Variants in ITGA9 observed in about 807,000 individuals in gnomAD.
ITGA9 encodes integrin alpha-9.
ITGA9 carries 56 observed loss-of-function variants against 127.8 expected under a neutral mutation model. The observed-to-expected ratio is 0.44, with a 90% CI of 0.35 to 0.55. The LOEUF is 0.55. Among genes scored for constraint, ITGA9 ranks in the 20% least tolerant of loss-of-function variants. The probability of loss-of-function intolerance (pLI) is 0.00; values close to 1 mark genes in which losing one functional copy is unlikely to be tolerated. For missense variants in ITGA9, 1,196 were observed against 1,347.1 expected (o/e 0.89, Z 1.76); for synonymous variants, 508 against 514.5 (o/e 0.99, Z 0.17).
intron 1 of ITGA9, among the ~76,000 whole-genome samples, chr3:37,460,092 C>T (rs188894767): frequency 6.2e-4 from 94 of 152,218 alleles, no homozygotes; most frequent in African/African-American, 2.0e-3. Context: ...CCTCCTGGGG[C>T]TGCTTTGTTA....
intron 24 of ITGA9, among the ~76,000 whole-genome samples, chr3:37,777,756 A>C (rs747543178): frequency 6.6e-6 from 1 of 152,248 alleles, no homozygotes; most frequent in Non-Finnish European, 1.5e-5. Flanking sequence ...AGCACAAAGT[A>C]AAATGTTTCT....
intron 22 of ITGA9, chr3:37,748,747 T>TAAAAA (rs34063758): frequency 4.9e-5 from 22 of 451,294 alleles, no homozygotes; most frequent in South Asian, 9.0e-5. Context: ...GACTCTGTCT[T>TAAAAA]AAAAAAAAAA....
At chr3:37,592,488 A>C (rs1238758368) in intron 15 of ITGA9, among the ~76,000 whole-genome samples, 2 of 152,134 alleles carry the variant, frequency 1.3e-5, no homozygotes, top group African/African-American at 4.8e-5. Flanking sequence ...AATGACCCAC[A>C]TCCCTTCTAC....
intron 18 of ITGA9, among the ~76,000 whole-genome samples, chr3:37,729,040 G>A (rs1204309765): frequency 6.6e-6 from 1 of 151,892 alleles, no homozygotes; most frequent in East Asian, 1.9e-4. Context: ...TGCTTTTGGG[G>A]AAGGTGTCAT....
intron 11 of ITGA9, among the ~76,000 whole-genome samples, chr3:37,522,156 C>G (rs987372280): frequency 5.9e-5 from 9 of 152,022 alleles, no homozygotes; most frequent in African/African-American, 2.2e-4. Context: ...AGCTGTAAAC[C>G]TGGTTCTATT....
chr3:37,550,157 C>A (rs574985350), intron 15 of ITGA9, among the ~76,000 whole-genome samples: 3 of 152,134 alleles, frequency 2.0e-5, no homozygotes, highest in African/African-American at 7.2e-5. Context: ...GATTTAAACC[C>A]GCAAGTCTGG....
intron 17 of ITGA9, among the ~76,000 whole-genome samples, chr3:37,654,584 T>A (rs1437000650): frequency 6.6e-6 from 1 of 152,190 alleles, no homozygotes; most frequent in Admixed American, 6.5e-5. Flanking sequence ...TCACTAGTTT[T>A]GGTAGTTATT....
At chr3:37,685,494 C>T (rs541297413) in intron 18 of ITGA9, among the ~76,000 whole-genome samples, 4 of 152,272 alleles carry the variant, frequency 2.6e-5, no homozygotes, top group Non-Finnish European at 5.9e-5. Flanking sequence ...GTTCAAGTAT[C>T]GCTGGCCACA....
chr3:37,619,373 G>T (rs1214419050), intron 15 of ITGA9, among the ~76,000 whole-genome samples: 4 of 152,156 alleles, frequency 2.6e-5, no homozygotes, highest in Non-Finnish European at 5.9e-5. Flanking sequence ...TCTGAGATGG[G>T]GATTTTTGCC....
chr3:37,485,053 C>T (rs1043669552), intron 4 of ITGA9, among the ~76,000 whole-genome samples: 1 of 152,154 alleles, frequency 6.6e-6, no homozygotes, highest in Non-Finnish European at 1.5e-5. Context: ...ACAGTTCCAG[C>T]TACCAAGAAG....
intron 24 of ITGA9, among the ~76,000 whole-genome samples, chr3:37,777,740 C>A (rs1696925457): frequency 6.6e-6 from 1 of 152,172 alleles, no homozygotes; most frequent in Non-Finnish European, 1.5e-5. Flanking sequence ...TCTTTGCAAC[C>A]CACCAAGCAC....
intron 1 of ITGA9, among the ~76,000 whole-genome samples, chr3:37,466,352 G>A (rs1030655676): frequency 1.1e-4 from 16 of 151,682 alleles, no homozygotes; most frequent in African/African-American, 2.9e-4. Context: ...GCGTGGTGGC[G>A]TGTGCCTGTG....
chr3:37,683,788 C>T, intron 17 of ITGA9, 77 bp from the exon 18 acceptor site: 1 of 1,496,964 alleles, frequency 6.7e-7, no homozygotes, highest in East Asian at 2.3e-5. Context: ...TGCCCCCCAC[C>T]TTCAACTACC....
chr3:37,654,190 CCACACA>C (rs67516814), intron 17 of ITGA9, among the ~76,000 whole-genome samples: 13,540 of 146,342 alleles, frequency 0.093, 843 homozygotes, highest in East Asian at 0.27. Flanking sequence ...CCTCCTGCCT[CCACACA>C]CACACACACA....
In ITGA9 at chr3:37,508,640, G is replaced by C; in HGVS notation, c.897+13G>C. 2 of 1,606,620 alleles carry C rather than the reference G, an allele frequency of 1.2e-6. No individual in the cohort carries two copies. The highest frequency in any genetic ancestry group is 1.7e-6 in the Non-Finnish European group (2 of 1,173,286). On this transcript the variant is annotated intron_variant, in intron 8 of 27. Transcript: ENST00000264741. ...ATCAGGTAAAAAGGTGAGGTTCTTG[G>C]TATAAGTGACTATTTTTTATTTGAG...
chr3:37,811,871 A>G (rs943011477), intron 27 of ITGA9, among the ~76,000 whole-genome samples: 1 of 152,250 alleles, frequency 6.6e-6, no homozygotes, highest in Non-Finnish European at 1.5e-5. Flanking sequence ...CAAACCCTCT[A>G]TCAGCTGGGG....
At chr3:37,644,385 A>G (rs1010224900) in intron 16 of ITGA9, among the ~76,000 whole-genome samples, 1 of 152,224 alleles carries the variant, frequency 6.6e-6, no homozygotes, top group Admixed American at 6.5e-5. Context: ...GGAGCTAAAT[A>G]ATGTGTCCAC....
At chr3:37,533,766 G>C (rs1260156977) in intron 14 of ITGA9, among the ~76,000 whole-genome samples, 2 of 152,220 alleles carry the variant, frequency 1.3e-5, no homozygotes, top group East Asian at 3.8e-4. Flanking sequence ...GGGACTGGTG[G>C]AGATATAGTG....
intron 18 of ITGA9, among the ~76,000 whole-genome samples, chr3:37,726,942 C>T (rs766353194): frequency 8.5e-5 from 13 of 152,116 alleles, no homozygotes; most frequent in Non-Finnish European, 2.9e-5. Flanking sequence ...CTGATAAACC[C>T]ATAGTTAGTT....
Sources: gnomAD v4.1 joint callset for allele counts (sites outside exome capture counted in the v4.1 genomes callset) on GRCh38, gnomAD v4.1.1 for gene constraint, MANE v1.5 for transcripts, NCBI Gene and HGNC (gene_info 2026-07-23, HGNC 2026-07-21) for gene names.